The following HCN1 variants were observed in gnomAD, a reference collection of about 807,000 sequenced individuals.
HCN1 encodes potassium/sodium hyperpolarization-activated cyclic nucleotide-gated channel 1.
A neutral mutation model predicts 78.9 loss-of-function variants in HCN1; 13 were observed. The observed-to-expected ratio is 0.16, with a 90% CI of 0.11 to 0.26. HCN1 has a LOEUF of 0.26. Among genes scored for constraint, HCN1 ranks in the 10% least tolerant of loss-of-function variants. The probability of loss-of-function intolerance (pLI) is 1.00; values close to 1 mark genes in which losing one functional copy is unlikely to be tolerated. For synonymous variants in HCN1, 552 were observed against 455.5 expected (o/e 1.21, Z -2.70); for missense variants, 810 against 1,154.3 (o/e 0.70, Z 4.32).
chr5:45,385,729 C>A (rs893852505), intron 4 of HCN1, among the ~76,000 whole-genome samples: 1 of 152,112 alleles, frequency 6.6e-6, no homozygotes, highest in Non-Finnish European at 1.5e-5. Context: ...ATAGTGAATG[C>A]AATTAAATAT....
chr5:45,394,419 A>C (rs1739644615), intron 4 of HCN1, among the ~76,000 whole-genome samples: 1 of 152,192 alleles, frequency 6.6e-6, no homozygotes, highest in Non-Finnish European at 1.5e-5. Flanking sequence ...ATTTAGCCAA[A>C]ACTCAAAGAG....
intron 6 of HCN1, among the ~76,000 whole-genome samples, chr5:45,285,804 T>C (rs141912940): frequency 5.0e-4 from 76 of 152,076 alleles, no homozygotes; most frequent in African/African-American, 1.6e-3. Context: ...CTGGAGGAAG[T>C]AGAGGTCTAC....
At chr5:45,498,842 G>C (rs888377033) in intron 2 of HCN1, among the ~76,000 whole-genome samples, 4 of 152,118 alleles carry the variant, frequency 2.6e-5, no homozygotes, top group African/African-American at 9.7e-5. Flanking sequence ...GTACCCGGCC[G>C]TGTGAGGTGT....
chr5:45,670,720 G>A (rs1025285290), intron 1 of HCN1, among the ~76,000 whole-genome samples: 5 of 151,524 alleles, frequency 3.3e-5, no homozygotes, highest in Admixed American at 6.6e-5. Context: ...GAAAAAAGTC[G>A]TATCTTTTAT....
At chr5:45,534,270 G>A (rs1457459463) in intron 2 of HCN1, among the ~76,000 whole-genome samples, 6 of 151,030 alleles carry the variant, frequency 4.0e-5, no homozygotes, top group African/African-American at 9.7e-5. Flanking sequence ...GGTGGCAGGC[G>A]CCTATAGTCC....
intron 5 of HCN1, among the ~76,000 whole-genome samples, chr5:45,341,888 C>T (rs1746589614): frequency 6.6e-6 from 1 of 152,214 alleles, no homozygotes; most frequent in Non-Finnish European, 1.5e-5. Context: ...GCTCATCAAA[C>T]AAGGGCAATT....
chr5:45,395,621 C>T (rs561539237), intron 4 of HCN1, among the ~76,000 whole-genome samples: 1 of 152,254 alleles, frequency 6.6e-6, no homozygotes, highest in African/African-American at 2.4e-5. Flanking sequence ...GCTGTTATCA[C>T]TCACCAAGAG....
intron 4 of HCN1, among the ~76,000 whole-genome samples, chr5:45,388,777 C>T (rs1023318524): frequency 6.6e-6 from 1 of 152,078 alleles, no homozygotes; most frequent in African/African-American, 2.4e-5. Flanking sequence ...TCATATAGTT[C>T]TTTAAGTTAT....
intron 2 of HCN1, chr5:45,558,299 G>A (rs1158282639): frequency 6.6e-6 from 1 of 152,132 alleles, no homozygotes; most frequent in African/African-American, 2.4e-5. Context: ...CCTGACAGAG[G>A]TGAGGATGCT....
chr5:45,540,119 A>G (rs1743068296), intron 2 of HCN1, among the ~76,000 whole-genome samples: 2 of 151,718 alleles, frequency 1.3e-5, no homozygotes, highest in Admixed American at 1.3e-4. Context: ...ATTCAGATAG[A>G]ATTTAAATAT....
At chr5:45,375,698 T>C (rs1226186409) in intron 4 of HCN1, among the ~76,000 whole-genome samples, 1 of 115,324 alleles carries the variant, frequency 8.7e-6, no homozygotes, top group Non-Finnish European at 1.6e-5. Context: ...AAGATCATAT[T>C]TTATGATACA....
chr5:45,397,660 A>C, intron 3 of HCN1, among the ~76,000 whole-genome samples: 1 of 151,734 alleles, frequency 6.6e-6, no homozygotes. Context: ...TAAAATATAA[A>C]GATTTTTCCT....
chr5:45,579,945 G>A (rs1355833884), intron 2 of HCN1, among the ~76,000 whole-genome samples: 1 of 152,044 alleles, frequency 6.6e-6, no homozygotes, highest in Non-Finnish European at 1.5e-5. Context: ...GATGGTCAAA[G>A]TGTCAAAATA....
intron 2 of HCN1, among the ~76,000 whole-genome samples, chr5:45,501,817 C>A (rs1742195385): frequency 6.6e-6 from 1 of 152,052 alleles, no homozygotes; most frequent in African/African-American, 2.4e-5. Context: ...CTCCTTTACC[C>A]CATTTCCTAA....
chr5:45,403,623 C>A (rs920797165), intron 3 of HCN1, among the ~76,000 whole-genome samples: 1 of 152,124 alleles, frequency 6.6e-6, no homozygotes. Context: ...CACCTCCCAC[C>A]GGGTTCCTCT....
chr5:45,477,529 C>G (rs77695276), intron 2 of HCN1, among the ~76,000 whole-genome samples: 1 of 151,916 alleles, frequency 6.6e-6, no homozygotes, highest in African/African-American at 2.4e-5. Context: ...GTCCGGAAAC[C>G]TGGTAATATG....
At position 45,435,434 on chromosome 5, in the gene HCN1, T is replaced by C. The variant is rs1040953009; in HGVS notation, c.1011+26412A>G. Among the ~76,000 whole-genome samples the C allele has an allele frequency of 1.6e-4, 25 of 152,202 alleles. 1 individual carries two copies. Among genetic ancestry groups the C allele is most frequent in the African/African-American group, 5.1e-4 (21 of 41,470 alleles). ...TTAAATTTTTGGTTAAGATAGCCTG[T>C]AAAATCAATATGAAATACATTTTGC... is the stretch of plus-strand genomic sequence containing the variant. On this transcript the variant is annotated intron_variant, in intron 3 of 7. Coordinates refer to ENST00000303230, the MANE Select transcript of HCN1 (RefSeq NM_021072.4).
chr5:45,417,806 A>T (rs1055867445), intron 3 of HCN1, among the ~76,000 whole-genome samples: 8 of 150,436 alleles, frequency 5.3e-5, no homozygotes, highest in African/African-American at 1.9e-4. Flanking sequence ...GTATGACTTC[A>T]TGGTGGAAAA....
intron 3 of HCN1, among the ~76,000 whole-genome samples, chr5:45,424,666 C>T (rs1235463092): frequency 1.3e-5 from 2 of 152,048 alleles, no homozygotes; most frequent in East Asian, 3.9e-4. Context: ...ATAACTTTAG[C>T]ACTTTCCTAT....
Sources: gnomAD v4.1 joint callset for allele counts (sites outside exome capture counted in the v4.1 genomes callset) on GRCh38, gnomAD v4.1.1 for gene constraint, MANE v1.5 for transcripts, NCBI Gene and HGNC (gene_info 2026-07-23, HGNC 2026-07-21) for gene names.